The following FLNB variants were observed in gnomAD, a reference collection of about 807,000 sequenced individuals.
FLNB encodes the protein filamin-B.
In FLNB, 111 loss-of-function variants were observed where a neutral mutation model predicts 250.6. That is an observed-to-expected ratio of 0.44 (90% CI 0.38 to 0.52). The LOEUF is 0.52. FLNB is among the 20% of genes least tolerant of loss of function. The pLI is 0.00. For missense variants in FLNB, 2,869 were observed against 3,447.8 expected (o/e 0.83, Z 4.20); for synonymous variants, 1,302 against 1,372.1 (o/e 0.95, Z 1.13).
chr3:58,047,580 T>A (rs929375273), intron 1 of FLNB, among the ~76,000 whole-genome samples: 44 of 151,808 alleles, frequency 2.9e-4, no homozygotes, highest in Non-Finnish European at 4.7e-4. Context: ...TTTTTTTTTT[T>A]AATTTATTTT....
chr3:58,147,203 G>GT (rs1284351427), intron 34 of FLNB, among the ~76,000 whole-genome samples: 1 of 152,244 alleles, frequency 6.6e-6, no homozygotes, highest in African/African-American at 2.4e-5. Context: ...GCGAGAGCTA[G>GT]TATTTGGAGC....
chr3:58,072,854 C>T (rs1198124333), intron 1 of FLNB, among the ~76,000 whole-genome samples: 1 of 152,176 alleles, frequency 6.6e-6, no homozygotes, highest in Non-Finnish European at 1.5e-5. Context: ...GATCATATTT[C>T]CCCCAAAATC....
At chr3:58,107,330 C>A (rs936287918) in intron 12 of FLNB, among the ~76,000 whole-genome samples, 2 of 152,192 alleles carry the variant, frequency 1.3e-5, no homozygotes, top group African/African-American at 4.8e-5. Flanking sequence ...CCACACCCAG[C>A]CCAGGCCTAC....
chr3:58,081,087 G>A (rs551888339), intron 3 of FLNB, among the ~76,000 whole-genome samples: 6 of 152,106 alleles, frequency 3.9e-5, no homozygotes, highest in South Asian at 2.1e-4. Flanking sequence ...GAGCTACCAC[G>A]CCTGGCTTCC....
chr3:58,103,546 T>C (rs1485576825), intron 9 of FLNB, among the ~76,000 whole-genome samples: 1 of 152,232 alleles, frequency 6.6e-6, no homozygotes, highest in African/African-American at 2.4e-5. Context: ...ACACTGAACC[T>C]AAAACTCATA....
At chr3:58,167,910 G>A (rs1020702857) in intron 43 of FLNB, among the ~76,000 whole-genome samples, 2 of 152,226 alleles carry the variant, frequency 1.3e-5, no homozygotes, top group Admixed American at 6.5e-5. Flanking sequence ...TGGAATTCAC[G>A]GCAAAGTGGG....
In FLNB at chr3:58,118,881, C is replaced by T. The variant is rs569371124; in HGVS notation, c.2755C>T (p.Gln919Ter). The change falls in exon 19 of 46, where the codon CAG becomes TAG. Residue 919 changes from glutamine to a stop codon, truncating the protein, a stop_gained. Coordinates refer to ENST00000295956, the MANE Select transcript of FLNB (RefSeq NM_001457.4). LOFTEE classifies it high-confidence loss of function. ...TTCTCTCTTGTTCCAGGGCAACATG[C>T]AGGTTCTGGTGACTTACGGTGGCGA... ...KYTPTQQGNM[Q>*]VLVTYGGDPI... 6.2e-7 allele frequency: 1 copy of T among 1,613,502 alleles called. No individual in the cohort carries two copies. The highest frequency in any genetic ancestry group is 1.1e-5 in the South Asian group (1 of 91,060).
At chr3:58,139,533 TGTA>T (rs1446636096) in intron 29 of FLNB, among the ~76,000 whole-genome samples, 1 of 152,258 alleles carries the variant, frequency 6.6e-6, no homozygotes, top group Non-Finnish European at 1.5e-5. Flanking sequence ...TATACTCTGT[TGTA>T]GTATTATTCC....
At chr3:58,085,722 A>G (rs968618677) in intron 4 of FLNB, among the ~76,000 whole-genome samples, 11 of 152,218 alleles carry the variant, frequency 7.2e-5, no homozygotes, top group Admixed American at 3.9e-4. Context: ...CTAGTTCTCT[A>G]TGAAGCATTT....
chr3:58,146,565 G>T (rs566987086), intron 33 of FLNB: 10 of 502,170 alleles, frequency 2.0e-5, no homozygotes, highest in African/African-American at 1.7e-4. Flanking sequence ...CTCATCCCAT[G>T]CATCCTGAGA....
intron 11 of FLNB, among the ~76,000 whole-genome samples, 161 bp downstream of exon 11, chr3:58,105,377 C>G (rs934133101): frequency 5.3e-5 from 8 of 152,186 alleles, no homozygotes; most frequent in Non-Finnish European, 8.8e-5. Flanking sequence ...TGTACATTTG[C>G]AGTTGCCTCT....
intron 1 of FLNB, among the ~76,000 whole-genome samples, chr3:58,047,465 A>T (rs1384019962): frequency 6.6e-6 from 1 of 152,096 alleles, no homozygotes; most frequent in Non-Finnish European, 1.5e-5. Flanking sequence ...ATGAAAGAAG[A>T]TTATAGCCAA....
chr3:58,149,550 G>A lies in FLNB; in HGVS notation c.6092-300G>A, dbSNP rs572345516. 1.9e-4 allele frequency: 86 copies of A among 459,696 alleles called. 1 individual carries two copies. Among genetic ancestry groups the A allele is most frequent in the South Asian group, 1.8e-3 (86 of 47,400 alleles). 28.5% of individuals were successfully genotyped at this position (459,696 alleles called of 1,614,324 possible). On this transcript the variant is annotated intron_variant, in intron 36 of 45. Transcript: ENST00000295956. ...ACGTGCAGTACTTGGAGGCGTGAGGGCAGAAGGTCCTCCCCAGCAGTTTGT... is the reference window on the plus strand; with the variant it reads ...ACGTGCAGTACTTGGAGGCGTGAGGACAGAAGGTCCTCCCCAGCAGTTTGT...
intron 1 of FLNB, among the ~76,000 whole-genome samples, chr3:58,070,049 CTT>C (rs10639474): frequency 6.7e-5 from 9 of 134,964 alleles, no homozygotes; most frequent in Non-Finnish European, 6.3e-5. Context: ...CTCTTTCTTT[CTT>C]TTTTTTTTTT....
chr3:58,080,734 C>T (rs144611618), intron 3 of FLNB, among the ~76,000 whole-genome samples: 1 of 145,336 alleles, frequency 6.9e-6, no homozygotes, highest in African/African-American at 2.6e-5. Flanking sequence ...CCTCGTGATC[C>T]ACCCACCTCG....
intron 1 of FLNB, among the ~76,000 whole-genome samples, chr3:58,034,900 A>G (rs2097135918): frequency 6.6e-6 from 1 of 152,156 alleles, no homozygotes; most frequent in Non-Finnish European, 1.5e-5. Flanking sequence ...AGTCCCAGGA[A>G]AGCCCTGAGG....
intron 1 of FLNB, among the ~76,000 whole-genome samples, chr3:58,041,607 A>T (rs1454961706): frequency 6.6e-6 from 1 of 152,206 alleles, no homozygotes; most frequent in Non-Finnish European, 1.5e-5. Context: ...TCCAAAGAAT[A>T]GTAACTTACC....
intron 18 of FLNB, 57 bp from the exon 19 acceptor site, chr3:58,118,815 A>C: frequency 7.7e-7 from 1 of 1,297,202 alleles, no homozygotes; most frequent in Non-Finnish European, 1.1e-6. Context: ...GGGATTTTAA[A>C]TGCCAAGTTA....
At chr3:58,058,016 C>T (rs755887628) in intron 1 of FLNB, among the ~76,000 whole-genome samples, 6 of 152,028 alleles carry the variant, frequency 3.9e-5, no homozygotes, top group African/African-American at 1.2e-4. Context: ...CTCGAACTCC[C>T]GACCTCAGGT....
Sources: gnomAD v4.1 joint callset for allele counts (sites outside exome capture counted in the v4.1 genomes callset) on GRCh38, gnomAD v4.1.1 for gene constraint, MANE v1.5 for transcripts, NCBI Gene and HGNC (gene_info 2026-07-23, HGNC 2026-07-21) for gene names.